Variants in PLS3 observed in about 807,000 individuals in gnomAD.
PLS3 encodes plastin 3.
Under a neutral mutation model 46.5 loss-of-function variants are expected in PLS3, and 11 were observed. The observed-to-expected ratio is 0.24, with a 90% CI of 0.15 to 0.39. The LOEUF is 0.39. Ranked by LOEUF, PLS3 falls within the 10% of genes least tolerant of loss-of-function variation. The pLI, the probability that PLS3 is intolerant of heterozygous loss-of-function variation, is 1.00. For synonymous variants in PLS3, 167 were observed against 162.2 expected (o/e 1.03, Z -0.22); for missense variants, 308 against 461.8 (o/e 0.67, Z 3.05).
chrX:115,575,588 C>T (rs907371124), intron 1 of PLS3, among the ~76,000 whole-genome samples: 7 of 111,363 alleles, frequency 6.3e-5, no homozygotes, highest in African/African-American at 1.6e-4. Context: ...GGACTACAGG[C>T]GCCCGCCACC....
chrX:115,645,719 C>A (rs1401167373), intron 11 of PLS3, among the ~76,000 whole-genome samples: 1 of 111,243 alleles, frequency 9.0e-6, no homozygotes, highest in Non-Finnish European at 1.9e-5. Flanking sequence ...CACTTACATA[C>A]ACCCCTAAAA....
intron 2 of PLS3, among the ~76,000 whole-genome samples, chrX:115,619,685 T>C (rs1556637276): frequency 8.9e-6 from 1 of 112,538 alleles, no homozygotes. Context: ...AAGTATTGAA[T>C]GGTTTGTTAT....
intron 1 of PLS3, 123 bp downstream of exon 1, chrX:115,561,383 G>T (rs1431796539): frequency 3.6e-5 from 4 of 111,288 alleles, no homozygotes; most frequent in African/African-American, 9.8e-5. Context: ...ACCGTGGGGC[G>T]GGGGTTGGGG....
At chrX:115,609,057 A>C (rs1400014513) in intron 1 of PLS3, among the ~76,000 whole-genome samples, 2 of 110,442 alleles carry the variant, frequency 1.8e-5, no homozygotes, top group African/African-American at 3.3e-5. Context: ...CAAGGTGGCA[A>C]GACTCTGTCT....
In PLS3 at chrX:115,606,702, T is replaced by C. The variant is rs112875538; in HGVS notation, c.-8-3541T>C. Among the ~76,000 whole-genome samples the C allele has an allele frequency of 5.5e-3, 609 of 111,495 alleles. 2 individuals are homozygous for C. Among genetic ancestry groups the C allele is most frequent in the African/African-American group, 0.019 (568 of 30,687 alleles). ...TAATAATTCTTTATTAAAAACATGA[T>C]TGCTTAAAAGGGGTGAAGAAAATTG... On this transcript the variant is annotated intron_variant, in intron 1 of 15. Transcript: ENST00000355899.
intron 14 of PLS3, 87 bp downstream of exon 14, chrX:115,647,760 T>C (rs2074967363): frequency 9.0e-7 from 1 of 1,113,574 alleles, no homozygotes; most frequent in African/African-American, 1.8e-5. Flanking sequence ...TCTTTGTGAG[T>C]GAGAATTAGT....
chrX:115,648,037 G>C lies in PLS3; in HGVS notation c.1760+20G>C. On this transcript the variant is annotated intron_variant, in intron 15 of 15. Transcript: ENST00000355899. ...TGCCAAGTAAGGGAGACTGCTAATA[G>C]TATGAAAAGAACGCAGCTTTGTAGC... The C allele has an allele frequency of 4.5e-6, 5 of 1,120,361 alleles. No homozygotes were observed. The highest frequency in any genetic ancestry group is 6.1e-6 in the Non-Finnish European group (5 of 814,633). 92.3% of individuals were successfully genotyped at this position (1,120,361 alleles called of 1,213,427 possible). A position where few individuals can be genotyped will look rare whatever the true frequency, so the allele number is the denominator to read the frequency against.
intron 1 of PLS3, among the ~76,000 whole-genome samples, chrX:115,572,537 G>A (rs139266991): frequency 9.4e-4 from 104 of 110,878 alleles, no homozygotes; most frequent in African/African-American, 3.2e-3. Context: ...ACTTTTAAAC[G>A]TGCCCAAAGT....
At chrX:115,645,978 T>C in intron 11 of PLS3, 94 bp from the exon 12 acceptor site, 3 of 513,191 alleles carry the variant, frequency 5.8e-6, no homozygotes, top group Non-Finnish European at 1.0e-5. Flanking sequence ...TATGGTTTTA[T>C]ATATCTTGTT....
chrX:115,634,203 A>G, intron 6 of PLS3, 122 bp downstream of exon 6: 3 of 475,044 alleles, frequency 6.3e-6, no homozygotes, highest in Non-Finnish European at 1.1e-5. Context: ...TGAGTGTGGG[A>G]TTGTTATCCA....
intron 1 of PLS3, among the ~76,000 whole-genome samples, chrX:115,578,597 C>T (rs1262152702): frequency 9.8e-6 from 1 of 102,069 alleles, no homozygotes; most frequent in African/African-American, 3.6e-5. Flanking sequence ...TGGTGGCGGG[C>T]GCCTGTAGTC....
Position 115,610,227 on chromosome X carries a change from T to C in PLS3, c.-8-16T>C. 2.0e-6 allele frequency: 2 copies of C among 998,036 alleles called. No individual in the cohort carries two copies. The highest frequency in any genetic ancestry group is 2.8e-6 in the Non-Finnish European group (2 of 725,818). The allele number at this position is 998,036 out of a possible 1,213,427, so 82.2% of individuals were successfully genotyped here. ...ACAATTTTTTAAAGTCTGAAACGTT[T>C]TTGGTTTTTCTTTAGATCTTTAAAT... On this transcript the variant is annotated splice_polypyrimidine_tract_variant and intron_variant, in intron 1 of 15. Transcript: ENST00000355899.
chrX:115,600,396 G>A (rs1556634411), intron 1 of PLS3, among the ~76,000 whole-genome samples: 1 of 110,158 alleles, frequency 9.1e-6, no homozygotes, highest in Admixed American at 9.7e-5. Context: ...CAAAGCACTG[G>A]GATTATAGGC....
At chrX:115,636,353 C>CCCG (rs1297238974) in intron 7 of PLS3, among the ~76,000 whole-genome samples, 1 of 109,471 alleles carries the variant, frequency 9.1e-6, no homozygotes, top group African/African-American at 3.3e-5. Context: ...ACTACAGGCG[C>CCCG]CCGCCACCAC....
intron 1 of PLS3, among the ~76,000 whole-genome samples, chrX:115,564,289 CCATTTAGATTCAAT>C (rs1481802576): frequency 1.8e-5 from 2 of 112,051 alleles, no homozygotes; most frequent in South Asian, 7.5e-4. Flanking sequence ...TCTGATGTAA[CCATTTAGATTCAAT>C]TGATAAAAAT....
rs146808872 is a variant in PLS3 at position 115,573,203 on chromosome X, A to T, written c.-9+11943A>T. Reference sequence around the variant, plus strand: ...AATTTCTAAATATAAACCTTGTGTGAACAAAGAAATTCACTTATAACCCAA... The same window carrying T: ...AATTTCTAAATATAAACCTTGTGTGTACAAAGAAATTCACTTATAACCCAA... On this transcript the variant is annotated intron_variant, in intron 1 of 15. Transcript: ENST00000355899. Among the ~76,000 whole-genome samples, 236 of 111,978 alleles carry T rather than the reference A, an allele frequency of 2.1e-3. 4 individuals are homozygous for T. Among genetic ancestry groups the T allele is most frequent in the African/African-American group, 5.8e-3 (179 of 30,919 alleles).
chrX:115,591,674 C>T (rs1322090498), intron 1 of PLS3, among the ~76,000 whole-genome samples: 2 of 111,546 alleles, frequency 1.8e-5, no homozygotes, highest in South Asian at 7.6e-4. Context: ...TTTCCTATGC[C>T]CTGGTTTTCT....
intron 1 of PLS3, among the ~76,000 whole-genome samples, chrX:115,603,528 T>C (rs1186861795): frequency 8.9e-6 from 1 of 111,745 alleles, no homozygotes; most frequent in Non-Finnish European, 1.9e-5. Flanking sequence ...TTGATAAGTA[T>C]TAAAATTGCT....
At chrX:115,625,498 T>C (rs1369199654) in intron 3 of PLS3, among the ~76,000 whole-genome samples, 2 of 109,947 alleles carry the variant, frequency 1.8e-5, no homozygotes, top group Admixed American at 9.9e-5. Context: ...GTTAAACTAG[T>C]ATGGCACTTT....
Sources: gnomAD v4.1 joint callset for allele counts (sites outside exome capture counted in the v4.1 genomes callset) on GRCh38, gnomAD v4.1.1 for gene constraint, MANE v1.5 for transcripts, NCBI Gene and HGNC (gene_info 2026-07-23, HGNC 2026-07-21) for gene names.